Variants in WDPCP observed in about 807,000 individuals in gnomAD.
WDPCP encodes the protein WD repeat containing planar cell polarity effector.
WDPCP carries 71 observed loss-of-function variants against 93.1 expected under a neutral mutation model. That is an observed-to-expected ratio of 0.76 (90% CI 0.63 to 0.93). WDPCP has a LOEUF of 0.93. Ranked by LOEUF, WDPCP falls within the 40% of genes least tolerant of loss-of-function variation. The pLI is 0.00. For synonymous variants in WDPCP, 315 were observed against 315.0 expected (o/e 1.00, Z 0.00); for missense variants, 844 against 887.4 (o/e 0.95, Z 0.62).
intron 1 of WDPCP, among the ~76,000 whole-genome samples, chr2:63,528,561 G>T (rs185728087): frequency 6.6e-6 from 1 of 152,110 alleles, no homozygotes; most frequent in Non-Finnish European, 1.5e-5. Context: ...GCTCTGTTCT[G>T]TTCCATTGGT....
At chr2:63,328,134 A>T (rs2104290381) in intron 12 of WDPCP, among the ~76,000 whole-genome samples, 1 of 152,252 alleles carries the variant, frequency 6.6e-6, no homozygotes, top group South Asian at 2.1e-4. Flanking sequence ...TTGTAAATGC[A>T]CCAACCAGCA....
At chr2:63,320,365 C>T (rs766759242) in intron 12 of WDPCP, among the ~76,000 whole-genome samples, 5 of 152,090 alleles carry the variant, frequency 3.3e-5, no homozygotes, top group Admixed American at 1.3e-4. Context: ...GATGGAAATG[C>T]AGATCTTCAA....
intron 13 of WDPCP, among the ~76,000 whole-genome samples, chr2:63,300,757 C>G (rs1164068573): frequency 6.6e-6 from 1 of 152,234 alleles, no homozygotes; most frequent in African/African-American, 2.4e-5. Context: ...TTTCTAGGAA[C>G]AGAGGGTTCC....
intron 9 of WDPCP, among the ~76,000 whole-genome samples, chr2:63,422,612 C>T (rs1335104005): frequency 6.6e-6 from 1 of 152,048 alleles, no homozygotes; most frequent in African/African-American, 2.4e-5. Context: ...TATAATATTA[C>T]CATTTTGCAA....
chr2:63,406,600 A>G (rs1006183381), intron 9 of WDPCP, among the ~76,000 whole-genome samples: 17 of 152,196 alleles, frequency 1.1e-4, no homozygotes, highest in African/African-American at 3.9e-4. Flanking sequence ...TTTATGCAAC[A>G]TAGGTGCCTT....
At chr2:63,746,376 T>C (rs2103869456) in intron 2 of WDPCP, among the ~76,000 whole-genome samples, 1 of 152,266 alleles carries the variant, frequency 6.6e-6, no homozygotes, top group East Asian at 1.9e-4. Context: ...TTGTAGACCA[T>C]GTGTTTTTGA....
chr2:63,650,488 G>T (rs1235641080), intron 3 of WDPCP, among the ~76,000 whole-genome samples: 2 of 152,124 alleles, frequency 1.3e-5, no homozygotes, highest in Non-Finnish European at 2.9e-5. Context: ...GTTTCCCATG[G>T]CTTCTTTACT....
chr2:63,233,022 C>G (rs1441819623), intron 14 of WDPCP: 2 of 157,002 alleles, frequency 1.3e-5, no homozygotes, highest in African/African-American at 2.4e-5. Context: ...AGCAGCCCCC[C>G]ATGTTGGCAT....
chr2:63,152,774 T>C, intron 17 of WDPCP, 140 bp downstream of exon 17: 1 of 724,770 alleles, frequency 1.4e-6, no homozygotes, highest in South Asian at 1.8e-5. Context: ...GTGTAGTTAA[T>C]ATAGACCAGT....
intron 13 of WDPCP, among the ~76,000 whole-genome samples, chr2:63,288,607 T>C (rs1684184180): frequency 6.6e-6 from 1 of 152,216 alleles, no homozygotes; most frequent in African/African-American, 2.4e-5. Context: ...GTTGCCAACA[T>C]ATTCTTGAAT....
chr2:63,381,939 G>T lies in WDPCP; in HGVS notation c.1591C>A (p.Leu531Ile), dbSNP rs1157344279. The T allele has an allele frequency of 3.7e-6, 6 of 1,613,348 alleles. No homozygotes were observed. Among genetic ancestry groups the T allele is most frequent in the African/African-American group, 1.3e-5 (1 of 74,874 alleles). Residue 531 changes from leucine (L) to isoleucine (I), a missense_variant, in exon 11 of 18, where the codon CTT (leucine) becomes ATT (isoleucine). By Grantham distance (5) the Leu-to-Ile change is conservative. Coordinates refer to ENST00000272321, the MANE Select transcript of WDPCP (RefSeq NM_015910.7). The stretch of plus-strand genomic sequence containing the variant: ...TCTGGAGTGAGCTTCTGTCTAAGAA[G>T]ATGGTTTACAATGGCGCTCATGCTG... ...FISMSAIVNH[L>I]LRQKLTPERE...
chr2:63,460,590 A>G (rs1698938335), intron 6 of WDPCP, among the ~76,000 whole-genome samples: 2 of 152,188 alleles, frequency 1.3e-5, no homozygotes, highest in African/African-American at 4.8e-5. Flanking sequence ...GTACCCCACA[A>G]ATATGTAAAT....
chr2:63,288,369 A>T (rs1424079860), intron 13 of WDPCP, among the ~76,000 whole-genome samples: 1 of 152,218 alleles, frequency 6.6e-6, no homozygotes, highest in Non-Finnish European at 1.5e-5. Flanking sequence ...GGTTACCTGA[A>T]TTTTCAAAAG....
chr2:63,571,007 C>A (rs1210687905), intron 1 of WDPCP, among the ~76,000 whole-genome samples: 2 of 151,934 alleles, frequency 1.3e-5, no homozygotes, highest in East Asian at 1.9e-4. Context: ...TTGGTTCAAG[C>A]AATTCTCCTG....
rs1475596746 is a variant in WDPCP at position 63,120,828 on chromosome 2, C to T, written c.*1178G>A. ...GGATTACAGGCGTGAGCCACCGTGC[C>T]TGGCCTATAGATGTCTATAATTGTG... On this transcript the variant is annotated 3_prime_UTR_variant, in exon 18 of 18. Transcript: ENST00000272321. 6.6e-6 allele frequency among the ~76,000 whole-genome samples: 1 copy of T among 152,026 alleles called. No homozygotes were observed. Among genetic ancestry groups the T allele is most frequent in the African/African-American group, 2.4e-5 (1 of 41,384 alleles).
chr2:63,292,808 T>C (rs1464184303), intron 13 of WDPCP, among the ~76,000 whole-genome samples: 1 of 152,240 alleles, frequency 6.6e-6, no homozygotes, highest in African/African-American at 2.4e-5. Context: ...TCTGATGTAA[T>C]TGTTTTGGAA....
chr2:63,300,790 C>T (rs1685270449), intron 13 of WDPCP, among the ~76,000 whole-genome samples: 1 of 152,262 alleles, frequency 6.6e-6, no homozygotes, highest in African/African-American at 2.4e-5. Flanking sequence ...GACTGTCTCT[C>T]TCTTAGCCTT....
intron 2 of WDPCP, among the ~76,000 whole-genome samples, chr2:63,488,421 G>A (rs539474503): frequency 5.9e-5 from 9 of 152,164 alleles, no homozygotes; most frequent in South Asian, 2.1e-4. Flanking sequence ...AGTCAATTGC[G>A]TGTACTTGTT....
chr2:63,430,544 T>C (rs1696664714), intron 9 of WDPCP, among the ~76,000 whole-genome samples: 1 of 152,252 alleles, frequency 6.6e-6, no homozygotes, highest in South Asian at 2.1e-4. Context: ...AAAAGAATTT[T>C]TTCTTAGACT....
Sources: gnomAD v4.1 joint callset for allele counts (sites outside exome capture counted in the v4.1 genomes callset) on GRCh38, gnomAD v4.1.1 for gene constraint, MANE v1.5 for transcripts, NCBI Gene and HGNC (gene_info 2026-07-23, HGNC 2026-07-21) for gene names.